Variants in CNTNAP2 observed in about 807,000 individuals in gnomAD.
The protein encoded by CNTNAP2 is contactin associated protein 2, also known as contactin-associated protein-like 2.
In CNTNAP2, 98 loss-of-function variants were observed where a neutral mutation model predicts 155.2. The observed-to-expected ratio is 0.63, with a 90% CI of 0.54 to 0.75. The LOEUF is 0.75. Ranked by LOEUF, CNTNAP2 falls within the 30% of genes least tolerant of loss-of-function variation. CNTNAP2 has a pLI of 0.00. For missense variants in CNTNAP2, 1,727 were observed against 1,688.1 expected (o/e 1.02, Z -0.40); for synonymous variants, 651 against 631.2 (o/e 1.03, Z -0.47).
chr7:147,195,324 T>A (rs1411469655), intron 8 of CNTNAP2, among the ~76,000 whole-genome samples: 1 of 152,156 alleles, frequency 6.6e-6, no homozygotes, highest in African/African-American at 2.4e-5. Flanking sequence ...GTTACTGTGG[T>A]CTTATAGGAT....
At chr7:147,246,177 A>T (rs1180966015) in intron 8 of CNTNAP2, among the ~76,000 whole-genome samples, 1 of 148,604 alleles carries the variant, frequency 6.7e-6, no homozygotes, top group Non-Finnish European at 1.5e-5. Flanking sequence ...GGCAGATAGC[A>T]TATCCAAAAT....
chr7:147,900,425 C>T (rs1799848419), intron 13 of CNTNAP2, among the ~76,000 whole-genome samples: 1 of 152,042 alleles, frequency 6.6e-6, no homozygotes, highest in Admixed American at 6.6e-5. Flanking sequence ...TCTCCTGCCC[C>T]CATGAGAAGA....
chr7:147,474,033 C>T (rs370836718), intron 10 of CNTNAP2, among the ~76,000 whole-genome samples: 11 of 151,680 alleles, frequency 7.3e-5, no homozygotes, highest in East Asian at 3.9e-4. Flanking sequence ...GAGCCGAGAT[C>T]GCACCACTGC....
chr7:147,684,515 A>T (rs1426701391), intron 13 of CNTNAP2, among the ~76,000 whole-genome samples: 2 of 151,952 alleles, frequency 1.3e-5, no homozygotes, highest in Non-Finnish European at 2.9e-5. Flanking sequence ...CTGGCAAAAA[A>T]TATTACATGA....
At chr7:146,595,653 T>G (rs931185789) in intron 1 of CNTNAP2, among the ~76,000 whole-genome samples, 1 of 152,064 alleles carries the variant, frequency 6.6e-6, no homozygotes, top group Non-Finnish European at 1.5e-5. Context: ...CAAGCAAGCA[T>G]TCCCTAAATT....
intron 9 of CNTNAP2, among the ~76,000 whole-genome samples, chr7:147,305,107 G>T (rs564903229): frequency 6.6e-6 from 1 of 152,004 alleles, no homozygotes; most frequent in Non-Finnish European, 1.5e-5. Context: ...ACAGGGGCTC[G>T]GGGTTTCAAT....
At chr7:148,365,090 C>A (rs1323384844) in intron 21 of CNTNAP2, among the ~76,000 whole-genome samples, 2 of 152,146 alleles carry the variant, frequency 1.3e-5, no homozygotes, top group East Asian at 3.9e-4. Context: ...TCAGTGAGAC[C>A]AAGAACCCAC....
intron 11 of CNTNAP2, among the ~76,000 whole-genome samples, chr7:147,553,290 A>C (rs1328083273): frequency 1.3e-5 from 2 of 152,192 alleles, no homozygotes; most frequent in African/African-American, 4.8e-5. Context: ...AATGGAAAAA[A>C]GAGAGGAGGT....
chr7:146,481,929 C>G (rs1032706046), intron 1 of CNTNAP2, among the ~76,000 whole-genome samples: 1 of 152,046 alleles, frequency 6.6e-6, no homozygotes, highest in Non-Finnish European at 1.5e-5. Flanking sequence ...TTAATAGTGC[C>G]CTCAGAAGCC....
At chr7:146,930,256 A>G (rs1290739010) in intron 3 of CNTNAP2, among the ~76,000 whole-genome samples, 2 of 152,230 alleles carry the variant, frequency 1.3e-5, no homozygotes, top group South Asian at 2.1e-4. Flanking sequence ...GAAACTCTAC[A>G]AGCCAGAAGA....
intron 1 of CNTNAP2, among the ~76,000 whole-genome samples, chr7:146,757,749 A>G (rs1279381962): frequency 6.6e-6 from 1 of 152,190 alleles, no homozygotes; most frequent in Non-Finnish European, 1.5e-5. Context: ...GATTGCAGCC[A>G]TCTCTTCATT....
At chr7:147,199,082 C>T (rs1048716298) in intron 8 of CNTNAP2, among the ~76,000 whole-genome samples, 2 of 151,842 alleles carry the variant, frequency 1.3e-5, no homozygotes, top group African/African-American at 4.8e-5. Context: ...CTGTCTCAGC[C>T]TCCCGTGTAG....
intron 21 of CNTNAP2, among the ~76,000 whole-genome samples, chr7:148,283,768 G>A (rs1395040050): frequency 1.3e-5 from 2 of 152,186 alleles, no homozygotes; most frequent in African/African-American, 4.8e-5. Context: ...GTCCTGTGGA[G>A]AAAATACATC....
At chr7:147,604,536 A>C (rs557748486) in intron 12 of CNTNAP2, among the ~76,000 whole-genome samples, 42 of 152,178 alleles carry the variant, frequency 2.8e-4, no homozygotes, top group African/African-American at 9.9e-4. Context: ...TTCTCAGCTA[A>C]TCTCTTGCCC....
chr7:146,791,533 C>A (rs1802674011), intron 2 of CNTNAP2, among the ~76,000 whole-genome samples: 1 of 152,138 alleles, frequency 6.6e-6, no homozygotes, highest in Non-Finnish European at 1.5e-5. Flanking sequence ...TCAACATGCT[C>A]CTTGCAGCAC....
intron 12 of CNTNAP2, among the ~76,000 whole-genome samples, chr7:147,627,120 A>G (rs1196687059): frequency 1.3e-5 from 2 of 152,078 alleles, no homozygotes; most frequent in Admixed American, 6.5e-5. Flanking sequence ...GTAAGGGGGG[A>G]AGCACCACAT....
At chr7:148,182,124 T>G (rs1375505452) in intron 18 of CNTNAP2, among the ~76,000 whole-genome samples, 1 of 152,152 alleles carries the variant, frequency 6.6e-6, no homozygotes, top group Non-Finnish European at 1.5e-5. Context: ...CTGAGTGTTT[T>G]ATTTGTATAT....
intron 3 of CNTNAP2, among the ~76,000 whole-genome samples, chr7:146,928,943 C>T (rs1051855899): frequency 4.6e-5 from 7 of 152,240 alleles, no homozygotes; most frequent in Non-Finnish European, 1.0e-4. Flanking sequence ...GAAGCTGGAA[C>T]TGGGTGGAGC....
chr7:147,066,964 G>A (rs1485539859), intron 4 of CNTNAP2, among the ~76,000 whole-genome samples: 1 of 152,112 alleles, frequency 6.6e-6, no homozygotes, highest in African/African-American at 2.4e-5. Context: ...TCACCATATA[G>A]CGAAGAGAAC....
Sources: gnomAD v4.1 joint callset for allele counts (sites outside exome capture counted in the v4.1 genomes callset) on GRCh38, gnomAD v4.1.1 for gene constraint, MANE v1.5 for transcripts, NCBI Gene and HGNC (gene_info 2026-07-23, HGNC 2026-07-21) for gene names.